PGAP4: variants seen among roughly 807,000 people sequenced by gnomAD.
PGAP4 encodes the protein GPI-N-acetylgalactosamine transferase PGAP4.
A neutral mutation model predicts 28.2 loss-of-function variants in PGAP4; 12 were observed. The ratio of observed to expected loss-of-function variants is 0.42; its 90% CI spans 0.27 to 0.69. PGAP4 has a LOEUF of 0.69. PGAP4 is among the 30% of genes least tolerant of loss of function. The probability of loss-of-function intolerance (pLI) is 0.22; values close to 1 mark genes in which losing one functional copy is unlikely to be tolerated. For missense variants in PGAP4, 425 were observed against 513.5 expected (o/e 0.83, Z 1.67); for synonymous variants, 205 against 211.8 (o/e 0.97, Z 0.28).
chr9:101,503,645 A>G (rs1451761268), intron 2 of PGAP4, among the ~76,000 whole-genome samples: 2 of 152,046 alleles, frequency 1.3e-5, no homozygotes, highest in South Asian at 2.1e-4. Context: ...AAGAAAATGA[A>G]TTGAAAAGTT....
At chr9:101,489,672 A>G (rs12341513), upstream of PGAP4, among the ~76,000 whole-genome samples, 698 of 152,294 alleles carry the variant, frequency 4.6e-3, 7 homozygotes, top group African/African-American at 0.016. Context: ...AGTGTCTCCC[A>G]TTGGCTGAAC....
intron 1 of PGAP4, among the ~76,000 whole-genome samples, chr9:101,478,611 C>T (rs879833960): frequency 1.3e-5 from 2 of 152,186 alleles, no homozygotes; most frequent in Non-Finnish European, 2.9e-5. Context: ...TGACAGGTGT[C>T]ACACCTGGGA....
chr9:101,497,251 A>C (rs1270158953), intron 2 of PGAP4, among the ~76,000 whole-genome samples: 1 of 151,522 alleles, frequency 6.6e-6, no homozygotes, highest in East Asian at 1.9e-4. Context: ...ACTTAATTTA[A>C]TTTTAACAGT....
rs1826247243 is a variant in PGAP4 at position 101,474,764 on chromosome 9, TTTGCCAAGC to T, written c.*1108_*1116del. 1 of 152,194 alleles carries T rather than the reference TTTGCCAAGC, an allele frequency of 6.6e-6. No individual in the cohort carries two copies. Among genetic ancestry groups the T allele is most frequent in the African/African-American group, 2.4e-5 (1 of 41,442 alleles). The allele number at this position is 152,194 out of a possible 1,614,324, so 9.4% of individuals were successfully genotyped here. A position where few individuals can be genotyped will look rare whatever the true frequency, so the allele number is the denominator to read the frequency against. On this transcript the variant is annotated 3_prime_UTR_variant, in exon 2 of 2. Transcript: ENST00000374848. ...ATATGTTTATTATAGGAGAGAAAAG[TTTGCCAAGC>T]GTCTTCTATGGACTAAGCACTTGCT...
intron 2 of PGAP4, among the ~76,000 whole-genome samples, chr9:101,514,816 T>C (rs1401361269): frequency 2.0e-5 from 3 of 152,160 alleles, no homozygotes; most frequent in South Asian, 2.1e-4. Context: ...AACTGAATTA[T>C]AGTTGATCAG....
intron 1 of PGAP4, chr9:101,481,270 G>C (rs1826481194): frequency 6.6e-6 from 1 of 152,202 alleles, no homozygotes; most frequent in Non-Finnish European, 1.5e-5. Context: ...TTCACTGCTA[G>C]TTTGGGGAAG....
intron 1 of PGAP4, among the ~76,000 whole-genome samples, chr9:101,482,770 T>G (rs1334644538): frequency 6.6e-6 from 1 of 152,170 alleles, no homozygotes; most frequent in Non-Finnish European, 1.5e-5. Context: ...AGAATCTCTT[T>G]TTTTCCCCTC....
Position 101,476,312 on chromosome 9 carries a change from G to T in PGAP4, c.781C>A (p.Arg261=), listed in dbSNP as rs1459189361. The T allele has an allele frequency of 6.2e-6, 10 of 1,614,092 alleles. No homozygotes were observed. The highest frequency in any genetic ancestry group is 7.6e-6 in the Non-Finnish European group (9 of 1,180,026). The stretch of plus-strand genomic sequence containing the variant: ...CCTACACCAACCCATTCCAGGATCC[G>T]CATGGGCTCTGGATTGATGTAGTGC... ...LQHYINPEPM[R]ILEWVGVGML... Residue 261 remains arginine, a synonymous_variant, in exon 2 of 2, where the codon CGG becomes AGG. Coordinates refer to ENST00000374848, the MANE Select transcript of PGAP4 (RefSeq NM_032342.3). This position sits in a 1 kb window ranked among gnomAD's most constrained non-coding sequence, Gnocchi z 7.0.
chr9:101,477,641 C>CA (rs572168783), intron 1 of PGAP4, among the ~76,000 whole-genome samples: 6 of 151,876 alleles, frequency 4.0e-5, no homozygotes, highest in East Asian at 1.9e-4. Context: ...TAGCAATTTC[C>CA]AAAAAAAACT....
rs367703922 is a variant in PGAP4, at chr9:101,473,938, G to C, written c.*1943C>G. ...GCTCTGATCACTTTGGACATTGCTG[G>C]GGGATACATAACAGCTCACTATAAC... On this transcript the variant is annotated 3_prime_UTR_variant, in exon 2 of 2. Transcript: ENST00000374848. The C allele has an allele frequency of 6.6e-6, 1 of 152,078 alleles. No homozygotes were observed. The highest frequency in any genetic ancestry group is 2.4e-5 in the African/African-American group (1 of 41,392). 9.4% of individuals were successfully genotyped at this position (152,078 alleles called of 1,614,324 possible).
intron 2 of PGAP4, among the ~76,000 whole-genome samples, chr9:101,493,185 C>T (rs910541333): frequency 2.7e-5 from 4 of 148,666 alleles, no homozygotes; most frequent in Non-Finnish European, 5.9e-5. Flanking sequence ...ACCTGGGAGG[C>T]GGAGGTTGCA....
Position 101,476,693 on chromosome 9 carries a change from G to T in PGAP4, c.400C>A (p.Pro134Thr), listed in dbSNP as rs1390818869. The T allele has an allele frequency of 6.2e-7, 1 of 1,614,154 alleles. No homozygotes were observed. Among genetic ancestry groups the T allele is most frequent in the Admixed American group, 1.7e-5 (1 of 60,024 alleles). Residue 134 changes from proline (P) to threonine (T), a missense_variant, in exon 2 of 2, where the codon CCC becomes ACC. Pro to Thr is a conservative substitution (Grantham distance 38). Coordinates refer to ENST00000374848, the MANE Select transcript of PGAP4 (RefSeq NM_032342.3). This position sits in a 1 kb window ranked among gnomAD's most constrained non-coding sequence, Gnocchi z 7.0. Reference sequence around the variant, plus strand: ...AAGAGTTGGTGCCCCTCGCACTGGGGGCCACATTGCTGAAGAAGCCGGTGG... The same window carrying T: ...AAGAGTTGGTGCCCCTCGCACTGGGTGCCACATTGCTGAAGAAGCCGGTGG... ...QFHRLLQQCGPQCEGHQLFLC... is the reference protein window; with the variant it reads ...QFHRLLQQCGTQCEGHQLFLC...
chr9:101,493,798 C>T (rs773933703), intron 2 of PGAP4, among the ~76,000 whole-genome samples: 5 of 152,038 alleles, frequency 3.3e-5, no homozygotes, highest in Admixed American at 6.6e-5. Flanking sequence ...AGGCTTGTTT[C>T]TTAAAATCCA....
intron 1 of PGAP4, among the ~76,000 whole-genome samples, chr9:101,482,603 A>G (rs1826519578): frequency 6.6e-6 from 1 of 152,198 alleles, no homozygotes; most frequent in Non-Finnish European, 1.5e-5. Context: ...CCATGACTGT[A>G]GAATAAAGTC....
chr9:101,484,096 C>T (rs1004815376), intron 1 of PGAP4, among the ~76,000 whole-genome samples: 4 of 152,148 alleles, frequency 2.6e-5, no homozygotes, highest in African/African-American at 9.7e-5. Context: ...AACGATCCTA[C>T]TTCTAGGAAT....
At chr9:101,507,127 C>A (rs1249563507) in intron 2 of PGAP4, among the ~76,000 whole-genome samples, 1 of 152,072 alleles carries the variant, frequency 6.6e-6, no homozygotes, top group Admixed American at 6.6e-5. Flanking sequence ...CAGGGGTTCA[C>A]TGAAGGCCCC....
chr9:101,502,147 C>T (rs993593759), intron 2 of PGAP4, among the ~76,000 whole-genome samples: 1 of 152,036 alleles, frequency 6.6e-6, no homozygotes, highest in African/African-American at 2.4e-5. Flanking sequence ...TCTACAGATA[C>T]ATTTCAAATG....
chr9:101,508,984 G>A (rs147172662), intron 2 of PGAP4, among the ~76,000 whole-genome samples: 348 of 152,244 alleles, frequency 2.3e-3, no homozygotes, highest in Non-Finnish European at 4.1e-3. Flanking sequence ...GCAATTGCCG[G>A]ATATTCCACC....
At chr9:101,512,137 C>T (rs938278818) in intron 2 of PGAP4, among the ~76,000 whole-genome samples, 2 of 152,072 alleles carry the variant, frequency 1.3e-5, no homozygotes, top group Non-Finnish European at 2.9e-5. Context: ...ATAAAATATA[C>T]AGGAAGCCAT....
Sources: allele counts gnomAD v4.1 joint callset (sites outside exome capture counted in the v4.1 genomes callset), GRCh38; gene constraint gnomAD v4.1.1; non-coding constraint Gnocchi (gnomAD v3.1); transcripts MANE v1.5; gene names NCBI Gene and HGNC (gene_info 2026-07-23, HGNC 2026-07-21).